The following ITSN1 variants were observed in gnomAD, a reference collection of about 807,000 sequenced individuals.
The protein encoded by ITSN1 is intersectin-1.
Under a neutral mutation model 239.8 loss-of-function variants are expected in ITSN1, and 58 were observed. The observed-to-expected ratio is 0.24, with a 90% CI of 0.20 to 0.30. The LOEUF (loss-of-function observed/expected upper bound fraction) is 0.30. ITSN1 is among the 10% of genes least tolerant of loss of function. The pLI, the probability that ITSN1 is intolerant of heterozygous loss-of-function variation, is 1.00. For synonymous variants in ITSN1, 780 were observed against 770.8 expected (o/e 1.01, Z -0.20); for missense variants, 1,558 against 2,103.3 (o/e 0.74, Z 5.07).
intron 31 of ITSN1, among the ~76,000 whole-genome samples, chr21:33,859,524 C>T (rs943147591): frequency 2.0e-5 from 3 of 152,184 alleles, no homozygotes; most frequent in Non-Finnish European, 4.4e-5. Flanking sequence ...CAGATTAAGT[C>T]ACAGCCTGCA....
intron 28 of ITSN1, 58 bp from the exon 29 acceptor site, chr21:33,836,382 TA>T (rs891497394): frequency 7.7e-7 from 1 of 1,296,374 alleles, no homozygotes; most frequent in African/African-American, 1.5e-5. Context: ...GGCTGCGCGG[TA>T]CCCGTTGTGC....
intron 1 of ITSN1, among the ~76,000 whole-genome samples, chr21:33,667,724 T>C (rs71326959): frequency 0.11 from 16,214 of 152,254 alleles, 1,171 homozygotes; most frequent in Admixed American, 0.19. Context: ...GGTCTGGTGT[T>C]TGGATCCATG....
At chr21:33,795,995 G>A (rs1044569785) in intron 17 of ITSN1, among the ~76,000 whole-genome samples, 7 of 142,460 alleles carry the variant, frequency 4.9e-5, no homozygotes, top group South Asian at 2.2e-4. Flanking sequence ...ACGGAGTCTC[G>A]CTCTGTCACC....
chr21:33,785,700 A>T (rs975925365), intron 16 of ITSN1, among the ~76,000 whole-genome samples: 1 of 152,210 alleles, frequency 6.6e-6, no homozygotes, highest in Admixed American at 6.5e-5. Context: ...CATAAGGCAT[A>T]CTTATAATCG....
At chr21:33,696,570 T>C (rs2091803461) in intron 1 of ITSN1, among the ~76,000 whole-genome samples, 1 of 152,268 alleles carries the variant, frequency 6.6e-6, no homozygotes, top group Non-Finnish European at 1.5e-5. Context: ...TTATAATTAC[T>C]GGCTCATGGT....
intron 4 of ITSN1, among the ~76,000 whole-genome samples, chr21:33,726,585 C>T (rs2065846442): frequency 6.6e-6 from 1 of 152,096 alleles, no homozygotes; most frequent in South Asian, 2.1e-4. Context: ...CTCACTGCAG[C>T]CTCAATATTC....
In ITSN1 at chr21:33,797,523, G is replaced by A; in HGVS notation, c.2097G>A (p.Gln699=). ...AGGATGGCGAGGAAAAAGGCAAACA[G>A]GAAGCACAAGACAAGCTGGGTCGGC... ...KKKDGEEKGK[Q]EAQDKLGRLF... The change falls in exon 18 of 40, where the codon CAG becomes CAA. Residue 699 remains glutamine, a synonymous_variant. Transcript: ENST00000381318. This position sits in a 1 kb window ranked among gnomAD's most constrained non-coding sequence, Gnocchi z 4.9. 6.2e-7 allele frequency: 1 copy of A among 1,614,148 alleles called. No homozygotes were observed. Among genetic ancestry groups the A allele is most frequent in the Non-Finnish European group, 8.5e-7 (1 of 1,180,032 alleles).
In ITSN1 at chr21:33,677,712, G is replaced by A. The variant is rs114429047; in HGVS notation, c.-33+34999G>A. 6.1e-3 allele frequency among the ~76,000 whole-genome samples: 928 copies of A among 152,180 alleles called. 8 individuals carry two copies. Among genetic ancestry groups the A allele is most frequent in the African/African-American group, 0.021 (872 of 41,532 alleles). ...GTCCTTTCTCGTCTTAGTAAATAGC[G>A]CTGTCAAACACCCATTTAGGCAGGC... On this transcript the variant is annotated intron_variant, in intron 1 of 39. Transcript: ENST00000381318.
At chr21:33,676,872 T>G (rs2090624970) in intron 1 of ITSN1, among the ~76,000 whole-genome samples, 1 of 152,096 alleles carries the variant, frequency 6.6e-6, no homozygotes, top group Admixed American at 6.5e-5. Context: ...TATGGCTGCA[T>G]AGTATTTCAT....
intron 1 of ITSN1, among the ~76,000 whole-genome samples, chr21:33,682,218 CTT>C (rs1328131757): frequency 1.1e-4 from 15 of 140,184 alleles, no homozygotes; most frequent in Non-Finnish European, 9.4e-5. Context: ...TCTTTCTTTT[CTT>C]TTTTTTTTTT....
At chr21:33,741,569 G>A (rs770726864) in intron 5 of ITSN1, among the ~76,000 whole-genome samples, 26 of 151,986 alleles carry the variant, frequency 1.7e-4, no homozygotes, top group Non-Finnish European at 3.7e-4. Flanking sequence ...CTCTTTGTTG[G>A]ATTTTCAGTG....
At chr21:33,887,212 G>A (rs762708470) in intron 39 of ITSN1, among the ~76,000 whole-genome samples, 3 of 151,852 alleles carry the variant, frequency 2.0e-5, no homozygotes, top group South Asian at 2.1e-4. Context: ...CCAGCTACTC[G>A]GGAGGCTGAG....
At chr21:33,852,524 A>G (rs764595278) in intron 29 of ITSN1, among the ~76,000 whole-genome samples, 3 of 152,138 alleles carry the variant, frequency 2.0e-5, no homozygotes, top group Non-Finnish European at 4.4e-5. Context: ...ATGACCTTTT[A>G]TTGGTAAGGT....
intron 14 of ITSN1, among the ~76,000 whole-genome samples, chr21:33,776,128 G>T (rs2069586076): frequency 1.3e-5 from 2 of 152,166 alleles, no homozygotes; most frequent in African/African-American, 4.8e-5. Flanking sequence ...TCTTTCCAGT[G>T]TGGAACTTTT....
At position 33,894,165 on chromosome 21, in the gene ITSN1, T is replaced by A. The variant is rs1986551116; in HGVS notation, c.*5865T>A. On this transcript the variant is annotated 3_prime_UTR_variant, in exon 40 of 40. Coordinates refer to ENST00000381318, the MANE Select transcript of ITSN1 (RefSeq NM_003024.3). ...TGATTGCGGTTTTTGCCATTGCTTT[T>A]GATGGCAAACTAACTTTAAGTCATT... 4.6e-5 allele frequency: 7 copies of A among 152,246 alleles called. No individual in the cohort carries two copies. The highest frequency in any genetic ancestry group is 4.6e-4 in the Admixed American group (7 of 15,288). The allele number at this position is 152,246 out of a possible 1,614,324, so 9.4% of individuals were successfully genotyped here. A position where few individuals can be genotyped will look rare whatever the true frequency, so the allele number is the denominator to read the frequency against.
chr21:33,804,467 C>G (rs898387661), intron 20 of ITSN1, among the ~76,000 whole-genome samples: 9 of 152,062 alleles, frequency 5.9e-5, no homozygotes, highest in Non-Finnish European at 1.0e-4. Flanking sequence ...TGATGAAGTT[C>G]TCAATAAACA....
chr21:33,747,468 G>GTCTA (rs2067250640), intron 5 of ITSN1, among the ~76,000 whole-genome samples: 1 of 152,004 alleles, frequency 6.6e-6, no homozygotes, highest in Admixed American at 6.6e-5. Flanking sequence ...AAAAGCAATA[G>GTCTA]TCTACACAAT....
At chr21:33,855,831 GC>G (rs1979219000) in intron 29 of ITSN1, among the ~76,000 whole-genome samples, 1 of 152,214 alleles carries the variant, frequency 6.6e-6, no homozygotes, top group Non-Finnish European at 1.5e-5. Flanking sequence ...TGCCCCAGGG[GC>G]CAGGCAGCAG....
Position 33,819,341 on chromosome 21 carries a change from A to G in ITSN1, c.3016+18A>G. On this transcript the variant is annotated intron_variant, in intron 24 of 39. Coordinates refer to ENST00000381318, the MANE Select transcript of ITSN1 (RefSeq NM_003024.3). Reference sequence around the variant, plus strand: ...GGGAGAAGGTGAGGGCCTGAGTTGTATTATGTTCTTCAGAAGGGTCAAGGA... The same window carrying G: ...GGGAGAAGGTGAGGGCCTGAGTTGTGTTATGTTCTTCAGAAGGGTCAAGGA... 1 of 1,593,886 alleles carries G rather than the reference A, an allele frequency of 6.3e-7. No individual in the cohort carries two copies. Among genetic ancestry groups the G allele is most frequent in the Non-Finnish European group, 8.6e-7 (1 of 1,161,924 alleles).
Sources: gnomAD v4.1 joint callset for allele counts (sites outside exome capture counted in the v4.1 genomes callset) on GRCh38, gnomAD v4.1.1 for gene constraint, Gnocchi (gnomAD v3.1) non-coding constraint, MANE v1.5 for transcripts, NCBI Gene and HGNC (gene_info 2026-07-23, HGNC 2026-07-21) for gene names.